Variants in MMP26 observed in about 807,000 individuals in gnomAD.
MMP26 encodes matrix metalloproteinase-26.
MMP26 carries 33 observed loss-of-function variants against 31.0 expected under a neutral mutation model. The observed-to-expected ratio is 1.06, with a 90% CI of 0.81 to 1.42. The LOEUF is 1.42. Ranked by LOEUF, MMP26 falls within the 40% of genes most tolerant of loss-of-function variation. The pLI, the probability that MMP26 is intolerant of heterozygous loss-of-function variation, is 0.00. For synonymous variants in MMP26, 122 were observed against 114.9 expected (o/e 1.06, Z -0.40); for missense variants, 347 against 316.1 (o/e 1.10, Z -0.74).
At chr11:4,775,701 G>A (rs1237981513) in intron 2 of MMP26, among the ~76,000 whole-genome samples, 2 of 151,700 alleles carry the variant, frequency 1.3e-5, no homozygotes, top group East Asian at 3.9e-4. Flanking sequence ...GAAAGTGAAG[G>A]GTAGTCAAGC....
intron 1 of MMP26, among the ~76,000 whole-genome samples, chr11:4,708,517 C>T (rs1228070292): frequency 3.3e-5 from 5 of 152,144 alleles, no homozygotes; most frequent in Non-Finnish European, 5.9e-5. Context: ...TTCTAATGCA[C>T]ACACTAACAC....
intron 2 of MMP26, among the ~76,000 whole-genome samples, chr11:4,803,159 T>C (rs1849206378): frequency 6.6e-6 from 1 of 152,210 alleles, no homozygotes; most frequent in African/African-American, 2.4e-5. Flanking sequence ...TCTTTTAAAA[T>C]ATTCACTGAT....
chr11:4,844,511 C>A (rs1433724785), intron 2 of MMP26, among the ~76,000 whole-genome samples: 1 of 152,042 alleles, frequency 6.6e-6, no homozygotes, highest in Non-Finnish European at 1.5e-5. Flanking sequence ...CAAAAATCCT[C>A]AACAAAATAC....
intron 2 of MMP26, among the ~76,000 whole-genome samples, chr11:4,823,321 G>A (rs987336853): frequency 2.0e-5 from 3 of 152,124 alleles, no homozygotes; most frequent in Non-Finnish European, 2.9e-5. Context: ...AGTTCCATCT[G>A]TTGACAAATT....
chr11:4,803,192 T>TG (rs1387941264), intron 2 of MMP26, among the ~76,000 whole-genome samples: 1 of 152,206 alleles, frequency 6.6e-6, no homozygotes. Flanking sequence ...ACTACTTTTA[T>TG]TGTTTCCATG....
intron 2 of MMP26, among the ~76,000 whole-genome samples, chr11:4,858,462 C>T (rs946012587): frequency 1.3e-5 from 2 of 152,030 alleles, no homozygotes; most frequent in African/African-American, 4.8e-5. Context: ...TGAGTGAATT[C>T]CCATTCACAA....
chr11:4,727,743 A>T (rs1158487375), intron 1 of MMP26, among the ~76,000 whole-genome samples: 2 of 152,198 alleles, frequency 1.3e-5, no homozygotes, highest in Non-Finnish European at 2.9e-5. Flanking sequence ...CGGGAGGTGG[A>T]GATTGCAGTG....
At chr11:4,955,758 A>C in intron 2 of MMP26, 2 of 1,548,624 alleles carry the variant, frequency 1.3e-6, no homozygotes, top group Non-Finnish European at 1.8e-6. Context: ...GATACACCTG[A>C]CCTCAGGTGA....
chr11:4,809,349 T>C (rs1342050166), intron 2 of MMP26, among the ~76,000 whole-genome samples: 1 of 152,214 alleles, frequency 6.6e-6, no homozygotes, highest in Non-Finnish European at 1.5e-5. Flanking sequence ...TAGGGTTTTG[T>C]TATATAAATG....
intron 2 of MMP26, among the ~76,000 whole-genome samples, chr11:4,802,897 G>T (rs1849202827): frequency 6.6e-6 from 1 of 152,046 alleles, no homozygotes; most frequent in South Asian, 2.1e-4. Flanking sequence ...ATTCAACAGA[G>T]TATTGCTTCA....
chr11:4,728,661 A>G (rs1157645394), intron 1 of MMP26, among the ~76,000 whole-genome samples: 1 of 152,208 alleles, frequency 6.6e-6, no homozygotes, highest in Admixed American at 6.5e-5. Context: ...AATATGATCT[A>G]AGGCAAAATA....
intron 2 of MMP26, among the ~76,000 whole-genome samples, chr11:4,957,199 C>T (rs943587244): frequency 1.6e-4 from 25 of 152,150 alleles, no homozygotes; most frequent in African/African-American, 5.6e-4. Context: ...TTAAGATACA[C>T]ACATTTAAAT....
At chr11:4,812,784 A>G (rs1353066117) in intron 2 of MMP26, among the ~76,000 whole-genome samples, 1 of 152,108 alleles carries the variant, frequency 6.6e-6, no homozygotes, top group Non-Finnish European at 1.5e-5. Flanking sequence ...CTGTTAATTT[A>G]CATTGTCAGG....
chr11:4,853,488 A>G (rs1228845351), intron 2 of MMP26, among the ~76,000 whole-genome samples: 1 of 152,206 alleles, frequency 6.6e-6, no homozygotes, highest in Non-Finnish European at 1.5e-5. Context: ...AGAGAAAACA[A>G]AAGATGCAAA....
intron 1 of MMP26, among the ~76,000 whole-genome samples, chr11:4,765,352 T>C (rs1179566304): frequency 6.6e-6 from 1 of 152,228 alleles, no homozygotes; most frequent in Non-Finnish European, 1.5e-5. Flanking sequence ...TGCTTCTTTC[T>C]ACCCAAACTT....
intron 2 of MMP26, chr11:4,882,264 T>A: frequency 6.2e-7 from 1 of 1,613,932 alleles, no homozygotes; most frequent in Non-Finnish European, 8.5e-7. Flanking sequence ...GCCATGGCCT[T>A]TGACCGCTTC....
chr11:4,934,331 T>C (rs995711757), intron 2 of MMP26, among the ~76,000 whole-genome samples: 2 of 145,096 alleles, frequency 1.4e-5, no homozygotes, highest in Non-Finnish European at 3.0e-5. Flanking sequence ...CCAGTGATGA[T>C]GAGCATTTTT....
At chr11:4,787,570 A>G (rs1848965681) in intron 2 of MMP26, 1 of 152,348 alleles carries the variant, frequency 6.6e-6, no homozygotes, top group African/African-American at 2.4e-5. Context: ...GGCTTCACCA[A>G]TATGTCCACC....
Position 4,991,462 on chromosome 11 carries a change from T to A in MMP26, c.561T>A (p.Phe187Leu). ...PNSGNPGVVH[F>L]DKNEHWSASD... ...CTGGAAATCCTGGAGTTGTCCATTTTGACAAGAATGAACACTGGTCAGCTT... is the reference window on the plus strand; with the variant it reads ...CTGGAAATCCTGGAGTTGTCCATTTAGACAAGAATGAACACTGGTCAGCTT... The change falls in exon 6 of 8, where the codon TTT (phenylalanine) becomes TTA (leucine). Residue 187 changes from phenylalanine to leucine, a missense_variant. By Grantham distance (22) the Phe-to-Leu change is conservative. Transcript: ENST00000380390. The A allele has an allele frequency of 6.2e-7, 1 of 1,614,040 alleles. No individual in the cohort carries two copies. Among genetic ancestry groups the A allele is most frequent in the Non-Finnish European group, 8.5e-7 (1 of 1,179,892 alleles).
Sources: gnomAD v4.1 joint callset for allele counts (sites outside exome capture counted in the v4.1 genomes callset) on GRCh38, gnomAD v4.1.1 for gene constraint, MANE v1.5 for transcripts, NCBI Gene and HGNC (gene_info 2026-07-23, HGNC 2026-07-21) for gene names.